The following PCDHA7 variants were observed in gnomAD, a reference collection of about 807,000 sequenced individuals.
PCDHA7 encodes the protein protocadherin alpha-7.
Under a neutral mutation model 57.2 loss-of-function variants are expected in PCDHA7, and 37 were observed. The observed-to-expected ratio is 0.65, with a 90% CI of 0.50 to 0.85. The LOEUF (loss-of-function observed/expected upper bound fraction) is 0.85, where lower values mean the gene tolerates loss of function less well. Among genes scored for constraint, PCDHA7 ranks in the 40% least tolerant of loss-of-function variants. PCDHA7 has a pLI of 0.00. For missense variants in PCDHA7, 1,188 were observed against 1,241.8 expected, an observed-to-expected ratio of 0.96 and a Z score of 0.65; for synonymous variants, 553 against 558.8, an observed-to-expected ratio of 0.99 and a Z score of 0.15.
intron 1 of PCDHA7, among the ~76,000 whole-genome samples, chr5:140,893,065 A>G (rs2063802609): frequency 6.6e-6 from 1 of 152,226 alleles, no homozygotes; most frequent in South Asian, 2.1e-4. Context: ...TACTGCCATG[A>G]ATAACAGGAT....
intron 1 of PCDHA7, among the ~76,000 whole-genome samples, chr5:140,880,638 T>C (rs1239160653): frequency 6.6e-6 from 1 of 152,134 alleles, no homozygotes; most frequent in Non-Finnish European, 1.5e-5. Flanking sequence ...ATCAATTCAC[T>C]TGAGAGCCCA....
chr5:140,837,640 T>C (rs1438744422), intron 1 of PCDHA7, among the ~76,000 whole-genome samples: 1 of 151,670 alleles, frequency 6.6e-6, no homozygotes, highest in Non-Finnish European at 1.5e-5. Flanking sequence ...TTCCTTTCTT[T>C]CTTTCTTTCT....
At chr5:140,841,793 T>C in intron 1 of PCDHA7, 1 of 1,613,848 alleles carries the variant, frequency 6.2e-7, no homozygotes, top group Non-Finnish European at 8.5e-7. Context: ...AGAGGGCGCG[T>C]CCGATGCAGA....
At chr5:140,995,577 A>G (rs892793952) in intron 3 of PCDHA7, among the ~76,000 whole-genome samples, 7 of 152,242 alleles carry the variant, frequency 4.6e-5, no homozygotes, top group Non-Finnish European at 1.0e-4. Flanking sequence ...AAGATGAGCT[A>G]TGAGCTTTTA....
chr5:140,858,550 C>T, intron 1 of PCDHA7: 1 of 1,392,416 alleles, frequency 7.2e-7, no homozygotes. Context: ...TCCATTTATG[C>T]TTGAATATTT....
chr5:140,999,180 GAGA>G (rs1554256675), intron 3 of PCDHA7, among the ~76,000 whole-genome samples: 1 of 152,238 alleles, frequency 6.6e-6, no homozygotes, highest in East Asian at 1.9e-4. Context: ...GCCTGATGGG[GAGA>G]GGGTCCTTGG....
At chr5:140,927,447 G>A (rs1563092229) in intron 1 of PCDHA7, 7 of 1,613,982 alleles carry the variant, frequency 4.3e-6, no homozygotes, top group Non-Finnish European at 5.1e-6. Flanking sequence ...ACCCGGAGTT[G>A]GTGTTGGAGA....
At position 140,966,988 on chromosome 5, in the gene PCDHA7, G is replaced by C. The variant is rs782004679; in HGVS notation, c.2356-11961G>C. 1.2e-5 allele frequency: 20 copies of C among 1,603,962 alleles called. No homozygotes were observed. The African/African-American group carries it at 2.1e-4, about 17-fold the overall frequency. Reference sequence around the variant, plus strand: ...GGCTTGAGCTGCGGCGCTTGGGGCCGGGTTGCTTGCGCATCAACCATCTGG... The same window carrying C: ...GGCTTGAGCTGCGGCGCTTGGGGCCCGGTTGCTTGCGCATCAACCATCTGG... On this transcript the variant is annotated intron_variant, in intron 1 of 3. Transcript: ENST00000525929.
At chr5:140,944,290 C>T (rs912018562) in intron 1 of PCDHA7, among the ~76,000 whole-genome samples, 8 of 152,124 alleles carry the variant, frequency 5.3e-5, no homozygotes, top group African/African-American at 9.7e-5. Flanking sequence ...CGGGCTCAAG[C>T]GATCCTCCTA....
In PCDHA7 at chr5:140,982,507, G is replaced by A. The variant is rs555523473; in HGVS notation, c.2447G>A (p.Arg816Gln). 21 of 1,614,138 alleles carry A rather than the reference G, an allele frequency of 1.3e-5. No individual in the cohort carries two copies. The highest frequency in any genetic ancestry group is 4.0e-5 in the African/African-American group (3 of 75,040). ...CACCTAGAGGAGGCTGGCATTCTAC[G>A]GGCTGGTCCAGGAGGGCCTGATCAG... is the stretch of plus-strand genomic sequence containing the variant. ...SVHLEEAGILRAGPGGPDQQW... is the reference protein window; with the variant it reads ...SVHLEEAGILQAGPGGPDQQW... The change falls in exon 3 of 4, where the codon CGG (arginine) becomes CAG (glutamine). Residue 816 changes from arginine (R) to glutamine (Q), a missense_variant. Arg to Gln is a conservative substitution (Grantham distance 43). This residue lies in a region of PCDHA7 where 892 missense variants were observed against 788.5 expected (regional missense o/e 1.13). Coordinates refer to ENST00000525929, the MANE Select transcript of PCDHA7 (RefSeq NM_018910.3).
intron 1 of PCDHA7, among the ~76,000 whole-genome samples, chr5:140,954,689 A>T (rs1392082377): frequency 2.0e-5 from 3 of 152,164 alleles, no homozygotes; most frequent in Non-Finnish European, 4.4e-5. Context: ...TCAGATGGAT[A>T]GACTACAAAA....
chr5:140,927,907 G>T, intron 1 of PCDHA7: 1 of 1,614,156 alleles, frequency 6.2e-7, no homozygotes, highest in Non-Finnish European at 8.5e-7. Context: ...TCATGCCCCC[G>T]AACTGGACTT....
chr5:140,952,192 G>T (rs572613863), intron 1 of PCDHA7, among the ~76,000 whole-genome samples: 3 of 152,080 alleles, frequency 2.0e-5, no homozygotes, highest in Non-Finnish European at 4.4e-5. Context: ...TCATGGGTTG[G>T]TGTTGAATGC....
At chr5:140,850,606 T>G (rs2150490821) in intron 1 of PCDHA7, 6 of 1,598,534 alleles carry the variant, frequency 3.8e-6, no homozygotes, top group Non-Finnish European at 5.1e-6. Flanking sequence ...ATCATCGCCA[T>G]CTGCGCGGTG....
chr5:140,969,190 T>C, intron 1 of PCDHA7: 2 of 1,614,072 alleles, frequency 1.2e-6, no homozygotes, highest in Non-Finnish European at 1.7e-6. Flanking sequence ...CTTTCATGTT[T>C]TACAATACAG....
intron 1 of PCDHA7, chr5:140,842,566 CGAGAGA>C: frequency 6.7e-7 from 1 of 1,503,446 alleles, no homozygotes; most frequent in Non-Finnish European, 9.0e-7. Flanking sequence ...CCCTGGACCG[CGAGAGA>C]GTGTCGGCCT....
At position 140,858,244 on chromosome 5, in the gene PCDHA7, G is replaced by T. The variant is rs782743084; in HGVS notation, c.2355+21506G>T. The T allele has an allele frequency of 1.9e-5, 30 of 1,595,808 alleles. 1 individual carries two copies. The highest frequency in any genetic ancestry group is 3.4e-4 in the Middle Eastern group (2 of 5,896). On this transcript the variant is annotated intron_variant, in intron 1 of 3. Transcript: ENST00000525929. Reference sequence around the variant, plus strand: ...CGCCCACCGAGGGCGCATGTGGGCCGGTGAAGCCCACGCTGGTGTGCTCTA... The same window carrying T: ...CGCCCACCGAGGGCGCATGTGGGCCTGTGAAGCCCACGCTGGTGTGCTCTA...
intron 1 of PCDHA7, chr5:140,883,197 TC>T: frequency 6.2e-7 from 1 of 1,613,904 alleles, no homozygotes; most frequent in Admixed American, 1.7e-5. Context: ...AAACTAGATT[TC>T]GAAGAAAAGA....
chr5:140,881,596 T>G (rs1420240994), intron 1 of PCDHA7, among the ~76,000 whole-genome samples: 1 of 152,240 alleles, frequency 6.6e-6, no homozygotes, highest in African/African-American at 2.4e-5. Flanking sequence ...GGAAATTTAT[T>G]AATATGATGT....
Sources: allele counts gnomAD v4.1 joint callset (sites outside exome capture counted in the v4.1 genomes callset), GRCh38; gene constraint gnomAD v4.1.1; regional missense constraint gnomAD v4.1.1; transcripts MANE v1.5; gene names NCBI Gene and HGNC (gene_info 2026-07-23, HGNC 2026-07-21).